Variants in WDR26 observed in about 807,000 individuals in gnomAD.
The protein encoded by WDR26 is WD repeat-containing protein 26.
A neutral mutation model predicts 84.1 loss-of-function variants in WDR26; 5 were observed. That is an observed-to-expected ratio of 0.06 (90% CI 0.03 to 0.13). WDR26 has a LOEUF of 0.13. WDR26 is among the 10% of genes least tolerant of loss of function. The probability of loss-of-function intolerance (pLI) is 1.00; values close to 1 mark genes in which losing one functional copy is unlikely to be tolerated. For missense variants in WDR26, 642 were observed against 974.9 expected (o/e 0.66, Z 4.55); for synonymous variants, 415 against 389.6 (o/e 1.07, Z -0.77).
intron 3 of WDR26, among the ~76,000 whole-genome samples, chr1:224,426,072 G>C (rs1208239543): frequency 6.6e-6 from 1 of 152,088 alleles, no homozygotes; most frequent in Non-Finnish European, 1.5e-5. Context: ...TGGCCAGGCT[G>C]GTCTTGAACT....
chr1:224,393,861 G>GT lies in WDR26; in HGVS notation c.2226dup (p.Pro743ThrfsTer11). 6.4e-7 allele frequency: 1 copy of GT among 1,567,648 alleles called. No individual in the cohort carries two copies. ...TTCTGGTGGTCTATAAAAGGTGCTG[G>GT]TCCCCATATTCTAACAGTGCCATCA... On this transcript the variant is annotated frameshift_variant, in exon 13 of 14. Transcript: ENST00000414423. LOFTEE classifies it high-confidence loss of function.
At chr1:224,398,249 A>C (rs1558417983) in intron 11 of WDR26, 23 bp from the exon 12 acceptor site, 1 of 1,601,622 alleles carries the variant, frequency 6.2e-7, no homozygotes, top group South Asian at 1.1e-5. Flanking sequence ...GAGAATACAG[A>C]TATTTAATCT....
In WDR26 at chr1:224,434,748, C is replaced by G; in HGVS notation, c.-343G>C. ...GCTGCCGCCTCTGTCCTCGGATCCG[C>G]TCCGCTCTGCTCCCTGGTGTGTTGA... On this transcript the variant is annotated 5_prime_UTR_variant, in exon 1 of 14. Transcript: ENST00000414423. The G allele has an allele frequency of 4.1e-6, 4 of 987,102 alleles. No homozygotes were observed. Among genetic ancestry groups the G allele is most frequent in the Non-Finnish European group, 4.8e-6 (4 of 831,076 alleles). The allele number at this position is 987,102 out of a possible 1,614,324, so 61.1% of individuals were successfully genotyped here.
chr1:224,407,151 A>AAAAAAAAAAAAATATATAT, intron 7 of WDR26, among the ~76,000 whole-genome samples: 1 of 11,876 alleles, frequency 8.4e-5, no homozygotes, highest in Non-Finnish European at 1.4e-4. Flanking sequence ...AAAAAAAAAA[A>AAAAAAAAAAAAATATATAT]ATATATATAT....
intron 12 of WDR26, among the ~76,000 whole-genome samples, chr1:224,396,174 T>C (rs1050870859): frequency 2.1e-4 from 32 of 152,198 alleles, no homozygotes; most frequent in African/African-American, 2.4e-5. Context: ...GTGGTCTAAT[T>C]TGTAGCCCTA....
At chr1:224,429,893 G>A (rs1572217336) in intron 3 of WDR26, 2 of 152,160 alleles carry the variant, frequency 1.3e-5, no homozygotes, top group South Asian at 4.1e-4. Flanking sequence ...TAGGAAGTAA[G>A]CCTATTAAAT....
At chr1:224,400,828 G>T in intron 9 of WDR26, 122 bp downstream of exon 9, 1 of 1,368,970 alleles carries the variant, frequency 7.3e-7, no homozygotes. Context: ...TTACAGGTGT[G>T]AGCCACCATG....
At chr1:224,407,495 A>G (rs962117566) in intron 7 of WDR26, among the ~76,000 whole-genome samples, 1 of 148,642 alleles carries the variant, frequency 6.7e-6, no homozygotes, top group African/African-American at 2.5e-5. Context: ...GCATATATAT[A>G]TATATACATA....
At chr1:224,398,345 C>T in intron 11 of WDR26, 119 bp from the exon 12 acceptor site, 1 of 1,367,958 alleles carries the variant, frequency 7.3e-7, no homozygotes, top group Non-Finnish European at 9.8e-7. Context: ...TGCAAAATAC[C>T]AACATTCTGA....
chr1:224,395,656 C>A (rs889971429), intron 12 of WDR26, among the ~76,000 whole-genome samples: 6 of 146,636 alleles, frequency 4.1e-5, no homozygotes, highest in Admixed American at 2.0e-4. Context: ...CCTTCCTAAA[C>A]TGAAGAGGTC....
intron 4 of WDR26, among the ~76,000 whole-genome samples, chr1:224,421,217 A>G (rs1354492378): frequency 2.0e-5 from 3 of 152,210 alleles, no homozygotes; most frequent in African/African-American, 4.8e-5. Flanking sequence ...AATAAAACCC[A>G]TATGACTAAT....
intron 4 of WDR26, among the ~76,000 whole-genome samples, chr1:224,420,887 C>T (rs933306353): frequency 2.0e-5 from 3 of 152,054 alleles, no homozygotes; most frequent in East Asian, 1.9e-4. Context: ...CGTGTGCCAC[C>T]GTGCCCAGCC....
rs1673388218 is a variant in WDR26 at position 224,400,688 on chromosome 1, G to A, written c.1719+262C>T. On this transcript the variant is annotated intron_variant, in intron 9 of 13. Coordinates refer to ENST00000414423, the MANE Select transcript of WDR26 (RefSeq NM_001379403.1). The stretch of plus-strand genomic sequence containing the variant: ...AGCCTCCCGAGTAGCTGGGATTACA[G>A]GCACCCACCACCATGCCCAGCTAAT... Among the ~76,000 whole-genome samples, 4 of 152,092 alleles carry A rather than the reference G, an allele frequency of 2.6e-5. No individual in the cohort carries two copies. In the South Asian group the frequency reaches 6.2e-4, roughly 24 times the overall value.
intron 13 of WDR26, among the ~76,000 whole-genome samples, chr1:224,393,490 G>A (rs1404632021): frequency 1.3e-5 from 2 of 152,106 alleles, no homozygotes; most frequent in Non-Finnish European, 2.9e-5. Flanking sequence ...AGTTTCATGT[G>A]TATAAAATTC....
intron 12 of WDR26, among the ~76,000 whole-genome samples, chr1:224,395,480 T>C (rs949062922): frequency 4.6e-5 from 7 of 152,144 alleles, no homozygotes; most frequent in African/African-American, 1.7e-4. Context: ...ATCTGAACTT[T>C]TTGTGTGTGT....
chr1:224,419,626 AAC>A lies in WDR26; in HGVS notation c.1065-13_1065-12del. ...CTACACATCAGATACCTAAAAATAC[AAC>A]AGAGAAAGCAACCAATATTAAACCC... On this transcript the variant is annotated splice_polypyrimidine_tract_variant and intron_variant, in intron 4 of 13. Transcript: ENST00000414423. 1.2e-6 allele frequency: 2 copies of A among 1,605,222 alleles called. No homozygotes were observed. Among genetic ancestry groups the A allele is most frequent in the Admixed American group, 1.7e-5 (1 of 60,028 alleles).
At chr1:224,422,602 C>T (rs1169069802) in intron 4 of WDR26, among the ~76,000 whole-genome samples, 1 of 151,988 alleles carries the variant, frequency 6.6e-6, no homozygotes, top group Admixed American at 6.6e-5. Flanking sequence ...ATAATCCCAG[C>T]TACTCAGGAG....
chr1:224,389,853 G>A lies in WDR26; in HGVS notation c.2268C>T (p.Cys756=). 7.8e-7 allele frequency: 1 copy of A among 1,288,148 alleles called. No individual in the cohort carries two copies. The highest frequency in any genetic ancestry group is 1.2e-5 in the South Asian group (1 of 81,410). The allele number at this position is 1,288,148 out of a possible 1,614,324, so 79.8% of individuals were successfully genotyped here. The change falls in exon 14 of 14, where the codon TGC becomes TGT. Residue 756 remains cysteine, a synonymous_variant. Coordinates refer to ENST00000414423, the MANE Select transcript of WDR26 (RefSeq NM_001379403.1). ...TTCACCATCAACTATCCATGCTACTGCATTCCTCTGAATGAAGACAAGATG... is the reference window on the plus strand; with the variant it reads ...TTCACCATCAACTATCCATGCTACTACATTCCTCTGAATGAAGACAAGATG...
rs1201811694 is a variant in WDR26 at position 224,389,313 on chromosome 1, A to G, written c.*522T>C. ...TATACTGCGCAACGGGCAAGGCTAG[A>G]ATCCATGAACCAAGCTGCAAAGATC... On this transcript the variant is annotated 3_prime_UTR_variant, in exon 14 of 14. Coordinates refer to ENST00000414423, the MANE Select transcript of WDR26 (RefSeq NM_001379403.1). The G allele has an allele frequency of 4.9e-6, 1 of 202,226 alleles. No homozygotes were observed. Among genetic ancestry groups the G allele is most frequent in the Non-Finnish European group, 9.8e-6 (1 of 102,170 alleles). 12.5% of individuals were successfully genotyped at this position (202,226 alleles called of 1,614,324 possible).
Sources: gnomAD v4.1 joint callset for allele counts (sites outside exome capture counted in the v4.1 genomes callset) on GRCh38, gnomAD v4.1.1 for gene constraint, MANE v1.5 for transcripts, NCBI Gene and HGNC (gene_info 2026-07-23, HGNC 2026-07-21) for gene names.